SH3GL3: variants seen among roughly 807,000 people sequenced by gnomAD.
The protein encoded by SH3GL3 is SH3 domain containing GRB2 like 3, endophilin A3, also known as endophilin-A3.
SH3GL3 carries 33 observed loss-of-function variants against 47.7 expected under a neutral mutation model. That is an observed-to-expected ratio of 0.69 (90% CI 0.52 to 0.92). SH3GL3 has a LOEUF of 0.92. Among genes scored for constraint, SH3GL3 ranks in the 40% least tolerant of loss-of-function variants. The probability of loss-of-function intolerance (pLI) is 0.00; values close to 1 mark genes in which losing one functional copy is unlikely to be tolerated. For missense variants in SH3GL3, 363 were observed against 417.8 expected (o/e 0.87, Z 1.14); for synonymous variants, 155 against 148.8 (o/e 1.04, Z -0.30).
At chr15:83,600,770 AGACTGCTTTTG>A (rs1221192449) in intron 8 of SH3GL3, among the ~76,000 whole-genome samples, 2 of 152,154 alleles carry the variant, frequency 1.3e-5, no homozygotes, top group Non-Finnish European at 2.9e-5. Flanking sequence ...CTGAATTTGT[AGACTGCTTTTG>A]GCAGTATGGT....
In SH3GL3 at chr15:83,576,600, G is replaced by A; in HGVS notation, c.483G>A (p.Leu161=). Residue 161 remains leucine (L), a synonymous_variant, in exon 6 of 9, where the codon CTG becomes CTA. Coordinates refer to ENST00000427482, the MANE Select transcript of SH3GL3 (RefSeq NM_003027.5). ...LKEIGHHLKK[L]EGRRLDYDYK... ...TTTTTTAGCATCACCTGAAAAAGCTGGAAGGCCGCCGCCTGGATTACGATT... is the reference window on the plus strand; with the variant it reads ...TTTTTTAGCATCACCTGAAAAAGCTAGAAGGCCGCCGCCTGGATTACGATT... 3.1e-6 allele frequency: 5 copies of A among 1,606,808 alleles called. No individual in the cohort carries two copies. Among genetic ancestry groups the A allele is most frequent in the Non-Finnish European group, 4.2e-6 (5 of 1,177,698 alleles).
intron 8 of SH3GL3, among the ~76,000 whole-genome samples, chr15:83,600,348 C>T (rs1293614114): frequency 3.9e-5 from 6 of 152,128 alleles, no homozygotes; most frequent in East Asian, 1.9e-4. Context: ...CCTTGATCCA[C>T]GTTGAGTTGA....
At chr15:83,529,431 G>C (rs1006326643) in intron 1 of SH3GL3, among the ~76,000 whole-genome samples, 2 of 152,126 alleles carry the variant, frequency 1.3e-5, no homozygotes, top group Non-Finnish European at 2.9e-5. Flanking sequence ...CAGGCAGTTA[G>C]TGATGTTAGT....
chr15:83,600,555 A>G (rs1446645859), intron 8 of SH3GL3, among the ~76,000 whole-genome samples: 2 of 152,030 alleles, frequency 1.3e-5, no homozygotes, highest in Non-Finnish European at 2.9e-5. Context: ...CTATGTGCCT[A>G]TTTTTATAAC....
intron 8 of SH3GL3, among the ~76,000 whole-genome samples, chr15:83,607,873 TAATAATACAA>T (rs1182403075): frequency 6.8e-5 from 9 of 132,264 alleles, no homozygotes; most frequent in Admixed American, 4.0e-4. Flanking sequence ...ATAATAATAA[TAATAATACAA>T]ACAACAACAA....
intron 8 of SH3GL3, among the ~76,000 whole-genome samples, chr15:83,600,364 G>A (rs1432106850): frequency 6.6e-6 from 1 of 152,172 alleles, no homozygotes; most frequent in Non-Finnish European, 1.5e-5. Flanking sequence ...GTTGATTTTT[G>A]TATAAGGTGA....
At chr15:83,575,369 C>G (rs1054891259) in intron 5 of SH3GL3, among the ~76,000 whole-genome samples, 3 of 152,202 alleles carry the variant, frequency 2.0e-5, no homozygotes, top group Non-Finnish European at 4.4e-5. Context: ...GTAAAACACA[C>G]TTATTCTGAA....
intron 1 of SH3GL3, among the ~76,000 whole-genome samples, chr15:83,467,977 G>A (rs555863407): frequency 2.6e-4 from 40 of 152,084 alleles, no homozygotes; most frequent in Non-Finnish European, 4.0e-4. Context: ...ACAGGTGCCC[G>A]CCACCACGCC....
chr15:83,500,565 C>T (rs1206407485), intron 1 of SH3GL3, among the ~76,000 whole-genome samples: 2 of 152,194 alleles, frequency 1.3e-5, no homozygotes, highest in African/African-American at 4.8e-5. Flanking sequence ...CCTGGCTTCT[C>T]GAGTGGCTGT....
chr15:83,510,936 G>A (rs1204465928), intron 1 of SH3GL3, among the ~76,000 whole-genome samples: 3 of 149,138 alleles, frequency 2.0e-5, no homozygotes. Flanking sequence ...GGTGGGAATT[G>A]AACAATGAGA....
At chr15:83,494,837 C>T (rs143654396) in intron 1 of SH3GL3, among the ~76,000 whole-genome samples, 1,739 of 152,246 alleles carry the variant, frequency 0.011, 16 homozygotes, top group Non-Finnish European at 0.015. Context: ...ACCCACCGCA[C>T]CTGGCCGCTT....
chr15:83,527,413 A>G (rs376535870), intron 1 of SH3GL3, among the ~76,000 whole-genome samples: 1 of 152,176 alleles, frequency 6.6e-6, no homozygotes, highest in South Asian at 2.1e-4. Flanking sequence ...GTGCACATAC[A>G]TTTAGATTTA....
At chr15:83,512,375 T>C (rs1233178925) in intron 1 of SH3GL3, among the ~76,000 whole-genome samples, 1 of 152,198 alleles carries the variant, frequency 6.6e-6, no homozygotes, top group African/African-American at 2.4e-5. Flanking sequence ...AATTCTTGGC[T>C]GCTGCAAGGT....
intron 5 of SH3GL3, among the ~76,000 whole-genome samples, chr15:83,574,108 G>A (rs975313480): frequency 6.6e-6 from 1 of 152,140 alleles, no homozygotes; most frequent in Non-Finnish European, 1.5e-5. Context: ...CGGGGACCTC[G>A]GTTGTGTGAT....
intron 8 of SH3GL3, among the ~76,000 whole-genome samples, chr15:83,595,898 T>G (rs1489642721): frequency 2.0e-5 from 3 of 152,172 alleles, no homozygotes; most frequent in Non-Finnish European, 4.4e-5. Context: ...CTTAATCATT[T>G]TAGCTATAGA....
At chr15:83,624,981 C>G in the SH3GL3 span, among the ~76,000 whole-genome samples, 1 of 152,094 alleles carries the variant, frequency 6.6e-6, no homozygotes, top group Non-Finnish European at 1.5e-5. Context: ...GAGCACCAGG[C>G]CAGGCACGGT....
chr15:83,546,542 C>T (rs1291734805), intron 1 of SH3GL3, among the ~76,000 whole-genome samples: 1 of 152,044 alleles, frequency 6.6e-6, no homozygotes, highest in African/African-American at 2.4e-5. Context: ...TCTGCTGGTA[C>T]CCAAGTCACA....
At chr15:83,593,995 C>G (rs1331295735) in intron 8 of SH3GL3, among the ~76,000 whole-genome samples, 2 of 152,004 alleles carry the variant, frequency 1.3e-5, no homozygotes, top group African/African-American at 4.8e-5. Flanking sequence ...ATTTTTGTAT[C>G]TTTCGTAGAG....
chr15:83,568,744 T>G, intron 4 of SH3GL3, 72 bp downstream of exon 4: 1 of 1,108,960 alleles, frequency 9.0e-7, no homozygotes, highest in East Asian at 2.4e-5. Flanking sequence ...ACACAAACCC[T>G]TCAGTCTAAC....
Sources: allele counts gnomAD v4.1 joint callset (sites outside exome capture counted in the v4.1 genomes callset), GRCh38; gene constraint gnomAD v4.1.1; transcripts MANE v1.5; gene names NCBI Gene and HGNC (gene_info 2026-07-23, HGNC 2026-07-21).